NRF1: variants seen among roughly 807,000 people sequenced by gnomAD.
NRF1 encodes nuclear respiratory factor 1.
NRF1 carries 5 observed loss-of-function variants against 58.5 expected under a neutral mutation model. That is an observed-to-expected ratio of 0.09 (90% CI 0.04 to 0.18). The LOEUF (loss-of-function observed/expected upper bound fraction) is 0.18, where lower values mean the gene tolerates loss of function less well. Among genes scored for constraint, NRF1 ranks in the 10% least tolerant of loss-of-function variants. NRF1 has a pLI of 1.00. For synonymous variants in NRF1, 224 were observed against 246.7 expected (o/e 0.91, Z 0.86); for missense variants, 288 against 657.7 (o/e 0.44, Z 6.15).
chr7:129,657,185 C>T (rs1801675211), intron 1 of NRF1, among the ~76,000 whole-genome samples, 161 bp from the exon 2 acceptor site: 1 of 152,188 alleles, frequency 6.6e-6, no homozygotes, highest in South Asian at 2.1e-4. Context: ...GTCACATTTG[C>T]ATGGTGCTTC....
At chr7:129,745,863 A>G (rs1296198321) in intron 10 of NRF1, among the ~76,000 whole-genome samples, 1 of 152,228 alleles carries the variant, frequency 6.6e-6, no homozygotes, top group East Asian at 1.9e-4. Flanking sequence ...GTAAAAATGA[A>G]TTCAGTTTTA....
intron 7 of NRF1, among the ~76,000 whole-genome samples, chr7:129,710,824 AC>A (rs745771102): frequency 6.6e-6 from 1 of 150,784 alleles, no homozygotes; most frequent in Non-Finnish European, 1.5e-5. Context: ...TTTTTTTGAG[AC>A]AAGATCTCTC....
At chr7:129,646,482 G>A (rs1801407411) in intron 1 of NRF1, among the ~76,000 whole-genome samples, 2 of 152,162 alleles carry the variant, frequency 1.3e-5, no homozygotes, top group East Asian at 1.9e-4. Context: ...CAGATAGGAA[G>A]CACTACCACC....
intron 4 of NRF1, among the ~76,000 whole-genome samples, chr7:129,680,186 T>C (rs1802275921): frequency 6.6e-6 from 1 of 152,226 alleles, no homozygotes; most frequent in Admixed American, 6.5e-5. Flanking sequence ...TCATTAATCA[T>C]TATTATAGTC....
At chr7:129,623,996 C>T (rs982440071) in intron 1 of NRF1, among the ~76,000 whole-genome samples, 1 of 152,202 alleles carries the variant, frequency 6.6e-6, no homozygotes, top group African/African-American at 2.4e-5. Context: ...AGCTAATTCT[C>T]ACTTGAGAAT....
chr7:129,709,795 A>T, intron 6 of NRF1, among the ~76,000 whole-genome samples: 1 of 142,116 alleles, frequency 7.0e-6, no homozygotes. Flanking sequence ...CAATGACGTG[A>T]CCTCGGCTCG....
rs141844231 is a variant in NRF1, at chr7:129,695,309, G to T, written c.606+4763G>T. ...AATCTTAACACTGCCGGGCATGGTG[G>T]CTCACTCCTGTAATCACAGCACTTT... is the stretch of plus-strand genomic sequence containing the variant. On this transcript the variant is annotated intron_variant, in intron 5 of 10. Coordinates refer to ENST00000393232, the MANE Select transcript of NRF1 (RefSeq NM_005011.5). Among the ~76,000 whole-genome samples the T allele has an allele frequency of 3.8e-3, 572 of 152,086 alleles. 6 individuals carry two copies. Among genetic ancestry groups the T allele is most frequent in the African/African-American group, 0.013 (543 of 41,490 alleles).
At chr7:129,701,076 A>G (rs1336222342) in intron 5 of NRF1, among the ~76,000 whole-genome samples, 1 of 152,216 alleles carries the variant, frequency 6.6e-6, no homozygotes, top group Admixed American at 6.5e-5. Flanking sequence ...ATAGGATACA[A>G]CTTGACTAAG....
chr7:129,752,855 G>T (rs978633293), intron 10 of NRF1, among the ~76,000 whole-genome samples: 1 of 152,018 alleles, frequency 6.6e-6, no homozygotes, highest in Admixed American at 6.5e-5. Context: ...GCCCTTCTGC[G>T]TGCTTCCCCC....
intron 1 of NRF1, among the ~76,000 whole-genome samples, chr7:129,638,466 T>C (rs979811124): frequency 6.6e-6 from 1 of 152,160 alleles, no homozygotes; most frequent in African/African-American, 2.4e-5. Flanking sequence ...CTGCAGGACA[T>C]CCATTGTGGC....
At chr7:129,743,884 T>G (rs1803906271) in intron 10 of NRF1, among the ~76,000 whole-genome samples, 1 of 152,162 alleles carries the variant, frequency 6.6e-6, no homozygotes, top group Non-Finnish European at 1.5e-5. Context: ...ATTAGGAAGG[T>G]AAGTCTGCTA....
Position 129,695,092 on chromosome 7 carries a change from A to G in NRF1, c.606+4546A>G, listed in dbSNP as rs962552138. On this transcript the variant is annotated intron_variant, in intron 5 of 10. Coordinates refer to ENST00000393232, the MANE Select transcript of NRF1 (RefSeq NM_005011.5). ...TATTTGTGGTATGTTAAATTAAAAA[A>G]CTGATTGTAAAGTAGCATTTTTTAT... Among the ~76,000 whole-genome samples, 31 of 152,260 alleles carry G rather than the reference A, an allele frequency of 2.0e-4. 2 individuals carry two copies. The Middle Eastern group carries it at 0.01, about 50-fold the overall frequency.
chr7:129,715,367 G>A (rs1283159222), intron 8 of NRF1, among the ~76,000 whole-genome samples: 6 of 152,126 alleles, frequency 3.9e-5, no homozygotes, highest in Admixed American at 3.9e-4. Context: ...AGAGACTGTA[G>A]GCCTAGCAAA....
chr7:129,655,910 G>A (rs1396732960), intron 1 of NRF1, among the ~76,000 whole-genome samples: 2 of 152,088 alleles, frequency 1.3e-5, no homozygotes, highest in African/African-American at 2.4e-5. Flanking sequence ...ATCAGGTTGA[G>A]GAAATTCCCC....
At chr7:129,721,227 A>G (rs1803314789) in intron 9 of NRF1, among the ~76,000 whole-genome samples, 1 of 152,076 alleles carries the variant, frequency 6.6e-6, no homozygotes, top group South Asian at 2.1e-4. Flanking sequence ...TAGTCCTTGC[A>G]TGTAGAGATC....
chr7:129,703,411 T>G (rs1466995860), intron 5 of NRF1, among the ~76,000 whole-genome samples: 1 of 152,168 alleles, frequency 6.6e-6, no homozygotes, highest in African/African-American at 2.4e-5. Flanking sequence ...TTTCCAGAAC[T>G]CTCCAGGACC....
intron 1 of NRF1, among the ~76,000 whole-genome samples, chr7:129,630,607 A>G (rs1801026651): frequency 1.3e-5 from 2 of 152,110 alleles, no homozygotes; most frequent in Admixed American, 6.5e-5. Context: ...TTTCTAAGTA[A>G]TATGTTGGGC....
At chr7:129,694,452 C>A (rs1450193042) in intron 5 of NRF1, among the ~76,000 whole-genome samples, 1 of 152,162 alleles carries the variant, frequency 6.6e-6, no homozygotes, top group Non-Finnish European at 1.5e-5. Flanking sequence ...GCAACCTCCG[C>A]CTTCCAGATT....
intron 10 of NRF1, among the ~76,000 whole-genome samples, chr7:129,734,672 A>C (rs1430435266): frequency 6.6e-6 from 1 of 152,192 alleles, no homozygotes. Flanking sequence ...CCGGTTGCAG[A>C]ACTCATCATT....
Sources: gnomAD v4.1 joint callset for allele counts (sites outside exome capture counted in the v4.1 genomes callset) on GRCh38, gnomAD v4.1.1 for gene constraint, MANE v1.5 for transcripts, NCBI Gene and HGNC (gene_info 2026-07-23, HGNC 2026-07-21) for gene names.